Variants in ADGRL3 observed in about 807,000 individuals in gnomAD.
ADGRL3 encodes the protein adhesion G protein-coupled receptor L3.
ADGRL3 carries 62 observed loss-of-function variants against 153.5 expected under a neutral mutation model. That is an observed-to-expected ratio of 0.40 (90% confidence interval 0.33 to 0.50). The LOEUF (loss-of-function observed/expected upper bound fraction) is 0.50, where lower values mean the gene tolerates loss of function less well. Among genes scored for constraint, ADGRL3 ranks in the 20% least tolerant of loss-of-function variants. ADGRL3 has a pLI of 0.47. For synonymous variants in ADGRL3, 710 were observed against 672.5 expected (o/e 1.06, Z -0.86); for missense variants, 1,641 against 1,859.4 (o/e 0.88, Z 2.16).
At chr4:61,821,188 C>T (rs1387041714) in intron 9 of ADGRL3, among the ~76,000 whole-genome samples, 2 of 81,014 alleles carry the variant, frequency 2.5e-5, no homozygotes, top group East Asian at 1.3e-3. Context: ...CTGCCAATTA[C>T]CAAAAAAAAA....
intron 4 of ADGRL3, among the ~76,000 whole-genome samples, chr4:61,580,809 C>A (rs769055725): frequency 6.6e-6 from 1 of 151,962 alleles, no homozygotes; most frequent in Non-Finnish European, 1.5e-5. Context: ...GTTGGCTTTG[C>A]ATAAAACGAG....
At chr4:61,587,192 G>T in intron 4 of ADGRL3, 35 bp from the exon 5 acceptor site, 5 of 1,454,328 alleles carry the variant, frequency 3.4e-6, no homozygotes, top group South Asian at 1.2e-5. Context: ...ATGTAGTAAC[G>T]ATGGCATCTC....
chr4:61,276,768 T>C (rs1231075431), intron 1 of ADGRL3, among the ~76,000 whole-genome samples: 3 of 152,108 alleles, frequency 2.0e-5, no homozygotes, highest in Non-Finnish European at 4.4e-5. Flanking sequence ...TTTTAATTCT[T>C]TTTATTTTTT....
chr4:61,682,515 G>A (rs2095357902), intron 6 of ADGRL3, among the ~76,000 whole-genome samples: 1 of 150,578 alleles, frequency 6.6e-6, no homozygotes, highest in Admixed American at 6.6e-5. Flanking sequence ...ATTCTGTTTA[G>A]AAAATAGGAA....
chr4:61,487,688 A>G (rs1357365223), intron 2 of ADGRL3, among the ~76,000 whole-genome samples: 1 of 152,054 alleles, frequency 6.6e-6, no homozygotes, highest in Non-Finnish European at 1.5e-5. Context: ...TTAATTTTTA[A>G]AATATATTTT....
chr4:61,869,728 CG>C (rs1561389377), intron 9 of ADGRL3, among the ~76,000 whole-genome samples: 1 of 151,230 alleles, frequency 6.6e-6, no homozygotes, highest in Non-Finnish European at 1.5e-5. Flanking sequence ...CACCTGAGGT[CG>C]GGAGTTCGAG....
chr4:61,778,092 C>T (rs2152354969), intron 8 of ADGRL3, among the ~76,000 whole-genome samples: 1 of 152,296 alleles, frequency 6.6e-6, no homozygotes, highest in East Asian at 1.9e-4. Context: ...AGATTGTGGT[C>T]AAAAGACTGT....
At chr4:61,679,201 G>A (rs970730749) in intron 6 of ADGRL3, among the ~76,000 whole-genome samples, 2 of 151,886 alleles carry the variant, frequency 1.3e-5, no homozygotes, top group African/African-American at 2.4e-5. Context: ...GGCAATAAAG[G>A]GAGCTCCTAG....
intron 4 of ADGRL3, among the ~76,000 whole-genome samples, chr4:61,531,173 A>G (rs2098610628): frequency 6.6e-6 from 1 of 152,234 alleles, no homozygotes; most frequent in South Asian, 2.1e-4. Context: ...AAATAAAGGC[A>G]AAGAAAATGA....
intron 2 of ADGRL3, among the ~76,000 whole-genome samples, chr4:61,469,250 G>A (rs2152671447): frequency 6.6e-6 from 1 of 152,124 alleles, no homozygotes; most frequent in Non-Finnish European, 1.5e-5. Context: ...TGTATTGTTA[G>A]GAAATTAATT....
At chr4:61,611,324 C>T (rs1373273097) in intron 5 of ADGRL3, among the ~76,000 whole-genome samples, 2 of 152,154 alleles carry the variant, frequency 1.3e-5, no homozygotes, top group Non-Finnish European at 2.9e-5. Context: ...GAACTAGTCA[C>T]ATGGCCATAC....
chr4:62,045,908 C>A (rs2151698436), intron 25 of ADGRL3, among the ~76,000 whole-genome samples: 1 of 151,984 alleles, frequency 6.6e-6, no homozygotes, highest in East Asian at 1.9e-4. Context: ...TAGACAATAT[C>A]TCTCAAGTAT....
chr4:61,878,693 C>T (rs2098490719), intron 9 of ADGRL3, among the ~76,000 whole-genome samples: 1 of 152,082 alleles, frequency 6.6e-6, no homozygotes, highest in Non-Finnish European at 1.5e-5. Context: ...TATTATTTGA[C>T]CCCTCTTCTG....
At chr4:61,935,058 C>G in intron 14 of ADGRL3, 35 bp downstream of exon 14, 1 of 1,577,140 alleles carries the variant, frequency 6.3e-7, no homozygotes, top group Non-Finnish European at 8.7e-7. Context: ...GGTCCAGACA[C>G]TCTTGTATAT....
chr4:61,854,377 A>C (rs1414884808), intron 9 of ADGRL3, among the ~76,000 whole-genome samples: 1 of 152,206 alleles, frequency 6.6e-6, no homozygotes, highest in Non-Finnish European at 1.5e-5. Flanking sequence ...GTAGCACCAA[A>C]AGTAAGGAAG....
rs2150317046 is a variant in ADGRL3, at chr4:61,948,205, A to C, written c.2734A>C (p.Lys912Gln). The C allele has an allele frequency of 6.2e-7, 1 of 1,613,906 alleles. No homozygotes were observed. The highest frequency in any genetic ancestry group is 1.1e-5 in the South Asian group (1 of 91,070). ...TQGCRLLTTN[K>Q]THTTCSCNHL... is the part of the protein sequence containing the mutation. ...AGGCTGTCGGCTCCTGACAACAAAT[A>C]AGACACATACTACATGCTCTTGTAA... Residue 912 changes from lysine (K) to glutamine (Q), a missense_variant, in exon 17 of 27, where the codon AAG (lysine) becomes CAG (glutamine). By Grantham distance (53) the Lys-to-Gln change is moderately conservative. This residue lies in a region of ADGRL3 where 734 missense variants were observed against 797.0 expected (regional missense o/e 0.92). Coordinates refer to ENST00000683033, the MANE Select transcript of ADGRL3 (RefSeq NM_001387552.1).
intron 1 of ADGRL3, among the ~76,000 whole-genome samples, chr4:61,313,206 A>T (rs894412966): frequency 6.6e-6 from 1 of 152,204 alleles, no homozygotes; most frequent in Non-Finnish European, 1.5e-5. Flanking sequence ...AGCTATACAG[A>T]CAGTGAAAAG....
chr4:61,626,781 T>C (rs1257347481), intron 5 of ADGRL3, among the ~76,000 whole-genome samples: 3 of 152,092 alleles, frequency 2.0e-5, no homozygotes, highest in East Asian at 1.9e-4. Flanking sequence ...TTTTAATCTC[T>C]AAAAGGAAAT....
chr4:61,370,207 G>C (rs1040308874), intron 1 of ADGRL3, among the ~76,000 whole-genome samples: 2 of 151,376 alleles, frequency 1.3e-5, no homozygotes, highest in Non-Finnish European at 3.0e-5. Flanking sequence ...TTTTTTGAAG[G>C]GTTTTTTGTG....
Sources: gnomAD v4.1 joint callset for allele counts (sites outside exome capture counted in the v4.1 genomes callset) on GRCh38, gnomAD v4.1.1 for gene constraint, gnomAD v4.1.1 regional missense constraint, MANE v1.5 for transcripts, NCBI Gene and HGNC (gene_info 2026-07-23, HGNC 2026-07-21) for gene names.